The following FOXJ3 variants were observed in gnomAD, a reference collection of about 807,000 sequenced individuals.
FOXJ3 encodes forkhead box J3.
In FOXJ3, 22 loss-of-function variants were observed where a neutral mutation model predicts 76.1. The observed-to-expected ratio is 0.29, with a 90% confidence interval of 0.21 to 0.41. FOXJ3 has a LOEUF of 0.41. Ranked by LOEUF, FOXJ3 falls within the 10% of genes least tolerant of loss-of-function variation. The pLI is 1.00. For synonymous variants in FOXJ3, 269 were observed against 261.2 expected, an observed-to-expected ratio of 1.03 and a Z score of -0.29; for missense variants, 613 against 762.1, an observed-to-expected ratio of 0.80 and a Z score of 2.30.
At chr1:42,209,235 C>T (rs1262878886) in intron 5 of FOXJ3, among the ~76,000 whole-genome samples, 4 of 152,294 alleles carry the variant, frequency 2.6e-5, no homozygotes, top group Middle Eastern at 6.8e-3. Context: ...CTATAAAAAT[C>T]AGTAGCATTT....
intron 11 of FOXJ3, among the ~76,000 whole-genome samples, chr1:42,183,918 CCT>C (rs1646381189): frequency 6.6e-6 from 1 of 152,082 alleles, no homozygotes; most frequent in South Asian, 2.1e-4. Flanking sequence ...CTTCTGACCC[CCT>C]GTCCCTGCCT....
chr1:42,183,224 C>G (rs1646360034), intron 11 of FOXJ3, among the ~76,000 whole-genome samples: 1 of 146,564 alleles, frequency 6.8e-6, no homozygotes, highest in Non-Finnish European at 1.5e-5. Context: ...CTACTACACT[C>G]CAGCCTGGTT....
rs1408448581 is a variant in FOXJ3, at chr1:42,245,676, T to TAAAGGCCATTTATGAC, written c.445-17726_445-17711dup. 2.6e-5 allele frequency among the ~76,000 whole-genome samples: 4 copies of TAAAGGCCATTTATGAC among 151,528 alleles called. No homozygotes were observed. In the East Asian group the frequency reaches 7.8e-4, roughly 29 times the overall value. ...ATAACAAAAACACACCTCAACATAATAAAGGCCATTTATGACAAACCCACA... is the reference window on the plus strand; with the variant it reads ...ATAACAAAAACACACCTCAACATAATAAAGGCCATTTATGACAAAGGCCATTTATGACAAACCCACA... On this transcript the variant is annotated intron_variant, in intron 4 of 12. Transcript: ENST00000361346.
At chr1:42,316,977 T>G (rs527362019) in intron 1 of FOXJ3, among the ~76,000 whole-genome samples, 1 of 152,222 alleles carries the variant, frequency 6.6e-6, no homozygotes, top group African/African-American at 2.4e-5. Flanking sequence ...ACTAAAGAAC[T>G]TATTCATGTA....
At chr1:42,317,377 G>A (rs1366111482) in intron 1 of FOXJ3, among the ~76,000 whole-genome samples, 1 of 152,174 alleles carries the variant, frequency 6.6e-6, no homozygotes, top group African/African-American at 2.4e-5. Flanking sequence ...AGCCACTCTA[G>A]CTAAACCTGA....
At chr1:42,212,556 G>A (rs965984212) in intron 5 of FOXJ3, among the ~76,000 whole-genome samples, 2 of 151,898 alleles carry the variant, frequency 1.3e-5, no homozygotes, top group African/African-American at 4.8e-5. Context: ...GAAAAGAAAT[G>A]AACAGTCTCC....
At chr1:42,294,919 C>G (rs1180870956) in intron 2 of FOXJ3, among the ~76,000 whole-genome samples, 1 of 152,164 alleles carries the variant, frequency 6.6e-6, no homozygotes, top group Non-Finnish European at 1.5e-5. Context: ...AACAGTATTT[C>G]ATCAATTCTT....
At chr1:42,238,422 C>T (rs1211788560) in intron 4 of FOXJ3, among the ~76,000 whole-genome samples, 9 of 152,242 alleles carry the variant, frequency 5.9e-5, no homozygotes, top group East Asian at 5.8e-4. Context: ...CCCACCACCA[C>T]GGCAAGCTGA....
At chr1:42,291,130 G>T (rs1653409732) in intron 2 of FOXJ3, among the ~76,000 whole-genome samples, 1 of 147,946 alleles carries the variant, frequency 6.8e-6, no homozygotes, top group Admixed American at 6.7e-5. Flanking sequence ...AATTTTTGAT[G>T]AAGGCATCAG....
At chr1:42,185,008 G>C (rs1416293417) in intron 11 of FOXJ3, among the ~76,000 whole-genome samples, 4 of 151,988 alleles carry the variant, frequency 2.6e-5, no homozygotes, top group Non-Finnish European at 5.9e-5. Flanking sequence ...GATTGTGTAG[G>C]CCATATAGGC....
At chr1:42,195,158 T>G in intron 7 of FOXJ3, 94 bp from the exon 8 acceptor site, 1 of 935,134 alleles carries the variant, frequency 1.1e-6, no homozygotes, top group South Asian at 2.1e-5. Context: ...GTGTCAACAT[T>G]GGAATTCAAA....
intron 5 of FOXJ3, among the ~76,000 whole-genome samples, chr1:42,213,330 G>A (rs1171947435): frequency 6.6e-6 from 1 of 152,020 alleles, no homozygotes; most frequent in African/African-American, 2.4e-5. Context: ...GCTGTCTTCA[G>A]AAGACATACC....
chr1:42,253,704 C>T lies in FOXJ3; in HGVS notation c.444+11411G>A, dbSNP rs374627137. 3.8e-4 allele frequency among the ~76,000 whole-genome samples: 58 copies of T among 152,392 alleles called. No individual in the cohort carries two copies. The East Asian group carries it at 0.011, about 29-fold the overall frequency. ...TTTTGACAAACCTGAGAAAAACAAG[C>T]AATGGGGAAAGGATTCCCTATTTAA... is the stretch of plus-strand genomic sequence containing the variant. On this transcript the variant is annotated intron_variant, in intron 4 of 12. Coordinates refer to ENST00000361346, the MANE Select transcript of FOXJ3 (RefSeq NM_014947.5).
At position 42,181,941 on chromosome 1, in the gene FOXJ3, T is replaced by A; in HGVS notation, c.1729A>T (p.Ser577Cys). Residue 577 changes from serine (S) to cysteine (C), a missense_variant, in exon 12 of 13, where the codon AGC becomes TGC. Transcript: ENST00000361346. The stretch of plus-strand genomic sequence containing the variant: ...CCTGCCATCGTTGTTCCTGGAGTGC[T>A]GAGTGCCTGTGGGATATGAGGATAA... Reference protein sequence around the residue: ...PGYPHIPQALSTPGTTMAGHH... With the variant: ...PGYPHIPQALCTPGTTMAGHH... The A allele has an allele frequency of 1.9e-6, 3 of 1,612,428 alleles. No homozygotes were observed.
intron 2 of FOXJ3, among the ~76,000 whole-genome samples, chr1:42,293,364 T>C (rs1653569861): frequency 6.6e-6 from 1 of 151,682 alleles, no homozygotes; most frequent in African/African-American, 2.4e-5. Context: ...TTTTAAAATG[T>C]ACAAAAAATT....
chr1:42,248,724 TTTTTTC>T (rs1649753409), intron 4 of FOXJ3, among the ~76,000 whole-genome samples: 1 of 123,674 alleles, frequency 8.1e-6, no homozygotes, highest in African/African-American at 3.0e-5. Flanking sequence ...AAGTCTCCTG[TTTTTTC>T]TTTTTTTTTT....
chr1:42,200,742 G>A (rs1254437359), intron 6 of FOXJ3, among the ~76,000 whole-genome samples: 1 of 152,134 alleles, frequency 6.6e-6, no homozygotes, highest in Non-Finnish European at 1.5e-5. Flanking sequence ...GCCTCCCAAA[G>A]GAGGCTTTGG....
At chr1:42,231,063 C>T (rs1488417643) in intron 4 of FOXJ3, among the ~76,000 whole-genome samples, 1 of 152,046 alleles carries the variant, frequency 6.6e-6, no homozygotes, top group Non-Finnish European at 1.5e-5. Context: ...GCCTGTAATC[C>T]CAACACTTTG....
chr1:42,226,327 T>C (rs1647562599), intron 5 of FOXJ3, among the ~76,000 whole-genome samples: 1 of 152,168 alleles, frequency 6.6e-6, no homozygotes, highest in Non-Finnish European at 1.5e-5. Context: ...ATTGTCTAGC[T>C]CTGGCCGGGC....
Sources: gnomAD v4.1 joint callset for allele counts (sites outside exome capture counted in the v4.1 genomes callset) on GRCh38, gnomAD v4.1.1 for gene constraint, MANE v1.5 for transcripts, NCBI Gene and HGNC (gene_info 2026-07-23, HGNC 2026-07-21) for gene names.